FRYL: variants seen among roughly 807,000 people sequenced by gnomAD.
The protein encoded by FRYL is protein furry homolog-like.
In FRYL, 150 loss-of-function variants were observed where a neutral mutation model predicts 351.2. That is an observed-to-expected ratio of 0.43 (90% CI 0.37 to 0.49). FRYL has a LOEUF of 0.49. Ranked by LOEUF, FRYL falls within the 20% of genes least tolerant of loss-of-function variation. FRYL has a pLI of 0.00. For missense variants in FRYL, 3,036 were observed against 3,619.3 expected (o/e 0.84, Z 4.13); for synonymous variants, 1,153 against 1,257.1 (o/e 0.92, Z 1.75).
chr4:48,559,850 G>A (rs1436288624), intron 33 of FRYL, among the ~76,000 whole-genome samples: 5 of 152,168 alleles, frequency 3.3e-5, no homozygotes, highest in Admixed American at 3.3e-4. Flanking sequence ...AGTGAGATCA[G>A]AGCTTAAAGA....
intron 1 of FRYL, among the ~76,000 whole-genome samples, chr4:48,730,724 G>C (rs1770629802): frequency 6.6e-6 from 1 of 152,148 alleles, no homozygotes; most frequent in African/African-American, 2.4e-5. Flanking sequence ...AACAGCTCCT[G>C]AAGGAATCAC....
At chr4:48,596,122 T>A (rs1744531694) in intron 13 of FRYL, 122 bp from the exon 14 acceptor site, 1 of 653,754 alleles carries the variant, frequency 1.5e-6, no homozygotes, top group South Asian at 2.0e-5. Context: ...TAGGTTTAAA[T>A]ACCAGGTACA....
intron 3 of FRYL, among the ~76,000 whole-genome samples, chr4:48,645,307 G>A (rs1367090725): frequency 1.3e-5 from 2 of 151,536 alleles, no homozygotes; most frequent in Non-Finnish European, 2.9e-5. Context: ...TAAATATTCT[G>A]GCCCCTAGAA....
intron 23 of FRYL, among the ~76,000 whole-genome samples, chr4:48,577,515 G>T (rs998927921): frequency 1.3e-5 from 2 of 152,168 alleles, no homozygotes; most frequent in African/African-American, 4.8e-5. Flanking sequence ...CTGCCCTCAT[G>T]CAGGCCATGG....
At chr4:48,779,578 C>G (rs1345563657) in intron 1 of FRYL, among the ~76,000 whole-genome samples, 1 of 151,998 alleles carries the variant, frequency 6.6e-6, no homozygotes, top group Non-Finnish European at 1.5e-5. Context: ...CTCCTCAGCC[C>G]TCCCTTCCCA....
At chr4:48,571,971 T>G (rs1037571723) in intron 26 of FRYL, 26 of 985,294 alleles carry the variant, frequency 2.6e-5, no homozygotes, top group Non-Finnish European at 3.0e-5. Flanking sequence ...CATCCAGCAC[T>G]GTAACCAAAC....
chr4:48,582,404 T>C, intron 20 of FRYL, 93 bp downstream of exon 20: 1 of 786,572 alleles, frequency 1.3e-6, no homozygotes, highest in South Asian at 1.7e-5. Context: ...TAATAATACT[T>C]TTAGTGTTTG....
At chr4:48,594,470 G>A (rs2089503) in intron 15 of FRYL, among the ~76,000 whole-genome samples, 77,015 of 151,862 alleles carry the variant, frequency 0.51, 19,913 homozygotes, top group South Asian at 0.62. Flanking sequence ...CTGGTGGAGT[G>A]CTGGAGGAAG....
chr4:48,709,585 C>T (rs567261099), intron 2 of FRYL, among the ~76,000 whole-genome samples: 4 of 152,144 alleles, frequency 2.6e-5, no homozygotes, highest in South Asian at 4.1e-4. Flanking sequence ...GGGAAGAAAA[C>T]ATAGCCTCAA....
intron 3 of FRYL, among the ~76,000 whole-genome samples, chr4:48,642,136 T>G (rs951605805): frequency 6.6e-6 from 1 of 152,216 alleles, no homozygotes; most frequent in South Asian, 2.1e-4. Context: ...AAAATCTGTG[T>G]TTGTGTTAGT....
At chr4:48,652,672 ATCT>A (rs1320895467) in intron 3 of FRYL, among the ~76,000 whole-genome samples, 1 of 152,230 alleles carries the variant, frequency 6.6e-6, no homozygotes, top group African/African-American at 2.4e-5. Context: ...ATAAGACTTT[ATCT>A]TAAGAGGGTT....
intron 3 of FRYL, among the ~76,000 whole-genome samples, chr4:48,667,943 C>T (rs527568348): frequency 2.6e-5 from 4 of 152,254 alleles, no homozygotes; most frequent in Middle Eastern, 3.4e-3. Flanking sequence ...CCACAGCGTC[C>T]GGCCAAAGCC....
At chr4:48,734,460 T>C (rs1290091735) in intron 1 of FRYL, among the ~76,000 whole-genome samples, 1 of 151,882 alleles carries the variant, frequency 6.6e-6, no homozygotes, top group Non-Finnish European at 1.5e-5. Context: ...ACTATTAGAG[T>C]TGTAGACTTC....
chr4:48,736,864 A>G lies in FRYL; in HGVS notation c.-383-26166T>C, dbSNP rs1297764295. 6.0e-5 allele frequency among the ~76,000 whole-genome samples: 9 copies of G among 150,228 alleles called. No individual in the cohort carries two copies. In the South Asian group the frequency reaches 1.3e-3, roughly 21 times the overall value. On this transcript the variant is annotated intron_variant, in intron 1 of 63. Coordinates refer to ENST00000358350, the MANE Select transcript of FRYL (RefSeq NM_015030.2). Reference sequence around the variant, plus strand: ...GACTCTGTCTCGAAAAAAAAAAAAAAAAAAAAGAAAAAAGAAAAAGAAAGA... The same window carrying G: ...GACTCTGTCTCGAAAAAAAAAAAAAGAAAAAAGAAAAAAGAAAAAGAAAGA...
chr4:48,770,815 AT>A (rs1175831892), intron 1 of FRYL, among the ~76,000 whole-genome samples: 2 of 152,162 alleles, frequency 1.3e-5, no homozygotes, highest in Admixed American at 1.3e-4. Flanking sequence ...TGAAGACTCA[AT>A]TTTTTATACT....
At chr4:48,545,806 A>G (rs185212329) in intron 42 of FRYL, among the ~76,000 whole-genome samples, 2 of 152,350 alleles carry the variant, frequency 1.3e-5, no homozygotes, top group East Asian at 3.9e-4. Flanking sequence ...TGTAGCTAAT[A>G]AAAGTGAAAT....
chr4:48,622,890 T>C (rs1750957468), intron 5 of FRYL, among the ~76,000 whole-genome samples: 1 of 151,872 alleles, frequency 6.6e-6, no homozygotes, highest in South Asian at 2.1e-4. Flanking sequence ...AAATGAAAAA[T>C]GTGAAAGGTA....
intron 31 of FRYL, among the ~76,000 whole-genome samples, chr4:48,563,481 C>G (rs997485648): frequency 2.6e-5 from 4 of 151,848 alleles, no homozygotes; most frequent in Non-Finnish European, 5.9e-5. Flanking sequence ...CTTTGGGAAG[C>G]CAAAGTGAGA....
At chr4:48,614,716 C>T (rs1450812970) in intron 7 of FRYL, among the ~76,000 whole-genome samples, 1 of 47,448 alleles carries the variant, frequency 2.1e-5, no homozygotes, top group Admixed American at 3.5e-4. Flanking sequence ...AGTGAGACTC[C>T]ATCTCAAAAA....
Sources: gnomAD v4.1 joint callset for allele counts (sites outside exome capture counted in the v4.1 genomes callset) on GRCh38, gnomAD v4.1.1 for gene constraint, MANE v1.5 for transcripts, NCBI Gene and HGNC (gene_info 2026-07-23, HGNC 2026-07-21) for gene names.